Variants in VPS37A observed in about 807,000 individuals in gnomAD.
VPS37A encodes the protein vacuolar protein sorting-associated protein 37A.
A neutral mutation model predicts 49.8 loss-of-function variants in VPS37A; 30 were observed. That is an observed-to-expected ratio of 0.60 (90% CI 0.45 to 0.82). The LOEUF (loss-of-function observed/expected upper bound fraction) is 0.82, where lower values mean the gene tolerates loss of function less well. Among genes scored for constraint, VPS37A ranks in the 40% least tolerant of loss-of-function variants. The pLI, the probability that VPS37A is intolerant of heterozygous loss-of-function variation, is 0.00. For missense variants in VPS37A, 593 were observed against 464.4 expected, an observed-to-expected ratio of 1.28 and a Z score of -2.55; for synonymous variants, 195 against 160.6, an observed-to-expected ratio of 1.21 and a Z score of -1.62.
At chr8:17,314,773 T>G in the VPS37A span, among the ~76,000 whole-genome samples, 10 of 152,244 alleles carry the variant, frequency 6.6e-5, no homozygotes, top group East Asian at 1.9e-3. Flanking sequence ...ATGCCTGCCC[T>G]GAGCTAGAAG....
intron 11 of VPS37A, among the ~76,000 whole-genome samples, chr8:17,293,059 C>T (rs1816291613): frequency 6.6e-6 from 1 of 152,096 alleles, no homozygotes; most frequent in Non-Finnish European, 1.5e-5. Context: ...CAACTTGGTT[C>T]CAGTCTCTCT....
At chr8:17,277,006 G>A (rs984866511) in intron 6 of VPS37A, among the ~76,000 whole-genome samples, 1 of 151,824 alleles carries the variant, frequency 6.6e-6, no homozygotes, top group East Asian at 1.9e-4. Context: ...ATTCAGTTTT[G>A]GGAAGCACTG....
chr8:17,317,769 G>A, the VPS37A span, among the ~76,000 whole-genome samples: 1 of 152,004 alleles, frequency 6.6e-6, no homozygotes, highest in African/African-American at 2.4e-5. Flanking sequence ...CTTACTTTGG[G>A]GTTTCTCATA....
At chr8:17,299,910 A>G (rs771535953), downstream of VPS37A, 29 of 1,613,984 alleles carry the variant, frequency 1.8e-5, no homozygotes, top group Non-Finnish European at 2.2e-5. Flanking sequence ...CCTTGCCACT[A>G]TCTTCACTCG....
chr8:17,293,302 G>A (rs1226740260), intron 11 of VPS37A, among the ~76,000 whole-genome samples: 1 of 151,604 alleles, frequency 6.6e-6, no homozygotes, highest in Non-Finnish European at 1.5e-5. Context: ...AGTTCCATCA[G>A]GTAGGTCATT....
At chr8:17,328,174 A>T in the VPS37A span, among the ~76,000 whole-genome samples, 1 of 152,186 alleles carries the variant, frequency 6.6e-6, no homozygotes, top group Non-Finnish European at 1.5e-5. Flanking sequence ...CAGAGGAGGA[A>T]GATGTCCCTG....
chr8:17,329,779 C>T, the VPS37A span, among the ~76,000 whole-genome samples: 1 of 152,204 alleles, frequency 6.6e-6, no homozygotes, highest in Non-Finnish European at 1.5e-5. Context: ...AACAGCCAAA[C>T]TCTGCATGAT....
chr8:17,283,320 T>A (rs1466600250), intron 9 of VPS37A, among the ~76,000 whole-genome samples: 1 of 152,134 alleles, frequency 6.6e-6, no homozygotes, highest in Non-Finnish European at 1.5e-5. Context: ...CACACCTGGC[T>A]AATTTTTGTA....
At chr8:17,291,903 A>AT (rs1208506343) in intron 11 of VPS37A, among the ~76,000 whole-genome samples, 1 of 152,072 alleles carries the variant, frequency 6.6e-6, no homozygotes, top group African/African-American at 2.4e-5. Flanking sequence ...TATGTGGCCA[A>AT]TTTTAGAATA....
chr8:17,298,167 T>G (rs1366154991), downstream of VPS37A: 2 of 151,766 alleles, frequency 1.3e-5, no homozygotes, highest in South Asian at 4.1e-4. Flanking sequence ...AAGTGAGTTA[T>G]GTTATGTTAT....
At chr8:17,311,790 G>T in the VPS37A span, 1 of 1,229,304 alleles carries the variant, frequency 8.1e-7, no homozygotes, top group Admixed American at 2.2e-5. Flanking sequence ...CCTAATTAGG[G>T]CAGAGCCAGA....
rs529736602 is a variant in VPS37A, at chr8:17,256,290, A to ATTTTTTTTTTTTT, written c.125+8937_125+8949dup. 2.1e-3 allele frequency among the ~76,000 whole-genome samples: 125 copies of ATTTTTTTTTTTTT among 60,402 alleles called. 17 individuals are homozygous for ATTTTTTTTTTTTT. The highest frequency in any genetic ancestry group is 9.0e-3 in the African/African-American group (123 of 13,738). 39.6% of individuals were successfully genotyped at this position (60,402 alleles called of 152,430 possible). Reference sequence around the variant, plus strand: ...AAGTCTTTTTAGCTGGGGTAAAATGATTTTTTTTTTTTTTTTTTTTTTTTT... The same window carrying ATTTTTTTTTTTTT: ...AAGTCTTTTTAGCTGGGGTAAAATGATTTTTTTTTTTTTTTTTTTTTTTTTTTTTTTTTTTTTT... On this transcript the variant is annotated intron_variant, in intron 1 of 11. Coordinates refer to ENST00000324849, the MANE Select transcript of VPS37A (RefSeq NM_152415.3).
chr8:17,278,899 GT>G (rs994799262), intron 6 of VPS37A, among the ~76,000 whole-genome samples: 4 of 151,746 alleles, frequency 2.6e-5, no homozygotes, highest in Non-Finnish European at 4.4e-5. Flanking sequence ...ATTATCCAAC[GT>G]TTTTATATGG....
chr8:17,290,108 G>T (rs1306106412), intron 11 of VPS37A, among the ~76,000 whole-genome samples: 2 of 152,216 alleles, frequency 1.3e-5, no homozygotes, highest in East Asian at 1.9e-4. Context: ...GGCTGAGACA[G>T]TGGGGTTTCC....
chr8:17,328,266 A>C, the VPS37A span, among the ~76,000 whole-genome samples: 1 of 152,148 alleles, frequency 6.6e-6, no homozygotes, highest in African/African-American at 2.4e-5. Flanking sequence ...CAACAAGTGG[A>C]GAGATGCAAG....
chr8:17,272,716 G>C (rs1265677172), intron 4 of VPS37A, among the ~76,000 whole-genome samples: 3 of 152,024 alleles, frequency 2.0e-5, no homozygotes, highest in Non-Finnish European at 4.4e-5. Context: ...AATTCCTTCA[G>C]ATAAATTTTA....
intron 11 of VPS37A, among the ~76,000 whole-genome samples, chr8:17,289,612 A>G (rs374912026): frequency 2.0e-5 from 3 of 152,106 alleles, no homozygotes; most frequent in Admixed American, 6.5e-5. Flanking sequence ...GTCTTGTAGT[A>G]TAGTTTGAAG....
chr8:17,270,627 G>A (rs1813886331), intron 4 of VPS37A, among the ~76,000 whole-genome samples: 1 of 152,098 alleles, frequency 6.6e-6, no homozygotes, highest in Admixed American at 6.6e-5. Flanking sequence ...AGATTGAAAG[G>A]GGAGGGAAAG....
At chr8:17,309,163 A>G in the VPS37A span, 3 of 709,344 alleles carry the variant, frequency 4.2e-6, no homozygotes, top group Non-Finnish European at 7.3e-6. Flanking sequence ...AAGCTTTCTG[A>G]ATAAGAGACA....
Sources: allele counts gnomAD v4.1 joint callset (sites outside exome capture counted in the v4.1 genomes callset), GRCh38; gene constraint gnomAD v4.1.1; transcripts MANE v1.5; gene names NCBI Gene and HGNC (gene_info 2026-07-23, HGNC 2026-07-21).